Variants in COL21A1 observed in about 807,000 individuals in gnomAD.
COL21A1 encodes collagen alpha-1(XXI) chain.
Under a neutral mutation model 137.9 loss-of-function variants are expected in COL21A1, and 149 were observed. The observed-to-expected ratio is 1.08, with a 90% CI of 0.95 to 1.24. The LOEUF (loss-of-function observed/expected upper bound fraction) is 1.24, where lower values mean the gene tolerates loss of function less well. COL21A1 is among the 50% of genes most tolerant of loss of function. The pLI is 0.00. For missense variants in COL21A1, 1,167 were observed against 1,158.4 expected (o/e 1.01, Z -0.11); for synonymous variants, 456 against 391.5 (o/e 1.16, Z -1.95).
chr6:56,087,974 C>A (rs938637204), intron 17 of COL21A1, among the ~76,000 whole-genome samples: 11 of 152,106 alleles, frequency 7.2e-5, no homozygotes, highest in African/African-American at 2.4e-4. Context: ...ATCAAACCAT[C>A]CTTTGCTGAC....
intron 1 of COL21A1, among the ~76,000 whole-genome samples, chr6:56,189,277 AC>A (rs1037587508): frequency 8.6e-5 from 13 of 152,012 alleles, no homozygotes; most frequent in Non-Finnish European, 1.3e-4. Context: ...AATATAAATG[AC>A]CTGATGGAGC....
chr6:56,064,614 C>T lies in COL21A1; in HGVS notation c.2136G>A (p.Lys712=). The change falls in exon 24 of 30, where the codon AAG becomes AAA. Residue 712 remains lysine (K), a synonymous_variant. Transcript: ENST00000244728. ...NQGEKGIQGQ[K]GENGRQGIPG... is the part of the protein sequence containing the mutation. ...GAATTCCCTGTCTTCCATTTTCTCCCTTTTGACCCTTTAAAATAAAAAAAA... is the reference window on the plus strand; with the variant it reads ...GAATTCCCTGTCTTCCATTTTCTCCTTTTTGACCCTTTAAAATAAAAAAAA... 2 of 1,587,428 alleles carry T rather than the reference C, an allele frequency of 1.3e-6. No homozygotes were observed. The highest frequency in any genetic ancestry group is 1.7e-6 in the Non-Finnish European group (2 of 1,165,620).
chr6:56,285,070 A>G (rs1013104614), intron 1 of COL21A1, among the ~76,000 whole-genome samples: 5 of 152,180 alleles, frequency 3.3e-5, no homozygotes, highest in Admixed American at 1.3e-4. Flanking sequence ...TATGTCCCCA[A>G]TACTTCTTCC....
chr6:56,217,878 A>T (rs1780587264), intron 1 of COL21A1, among the ~76,000 whole-genome samples: 1 of 152,122 alleles, frequency 6.6e-6, no homozygotes, highest in Non-Finnish European at 1.5e-5. Context: ...GCAAAGCACC[A>T]GGTATGTGAT....
At chr6:56,072,907 A>C (rs942738927) in intron 20 of COL21A1, among the ~76,000 whole-genome samples, 2 of 150,966 alleles carry the variant, frequency 1.3e-5, no homozygotes, top group Non-Finnish European at 3.0e-5. Flanking sequence ...CACAAGATGC[A>C]GAAAACCAAC....
At chr6:56,200,090 T>TG (rs1779282358) in intron 1 of COL21A1, among the ~76,000 whole-genome samples, 1 of 152,124 alleles carries the variant, frequency 6.6e-6, no homozygotes, top group African/African-American at 2.4e-5. Flanking sequence ...TGATCAGATC[T>TG]GGGGACAAGA....
At chr6:56,276,706 G>C (rs1763665685) in intron 1 of COL21A1, 1 of 1,428,664 alleles carries the variant, frequency 7.0e-7, no homozygotes, top group Non-Finnish European at 9.8e-7. Context: ...AGATGGCCTG[G>C]GTGATTCACG....
At chr6:56,064,448 T>G (rs926498382) in intron 24 of COL21A1, 130 bp downstream of exon 24, 7 of 608,440 alleles carry the variant, frequency 1.2e-5, no homozygotes, top group Middle Eastern at 2.7e-4. Flanking sequence ...TGTTCAACCT[T>G]ATATGCTTAG....
intron 1 of COL21A1, among the ~76,000 whole-genome samples, chr6:56,302,985 G>C (rs951232448): frequency 7.9e-5 from 12 of 152,058 alleles, no homozygotes; most frequent in African/African-American, 2.9e-4. Context: ...ATTAAATAGG[G>C]AATCCTTTCC....
chr6:56,252,232 A>G (rs1782870273), upstream of COL21A1, among the ~76,000 whole-genome samples: 1 of 152,242 alleles, frequency 6.6e-6, no homozygotes, highest in Non-Finnish European at 1.5e-5. Flanking sequence ...CAATTACTAC[A>G]AGCTACAGCT....
intron 12 of COL21A1, among the ~76,000 whole-genome samples, chr6:56,130,175 ATATATATATATATATATATATATAT>A (rs1348429397): frequency 7.3e-5 from 5 of 68,298 alleles, no homozygotes; most frequent in Non-Finnish European, 1.2e-4. Flanking sequence ...TTATATATAT[ATATATATATATATATATATATATAT>A]ATATATATAT....
chr6:56,308,830 T>C (rs895423413), intron 1 of COL21A1, among the ~76,000 whole-genome samples: 1 of 152,188 alleles, frequency 6.6e-6, no homozygotes, highest in African/African-American at 2.4e-5. Context: ...GGATACTCAG[T>C]TGGACAGGGT....
chr6:56,227,169 T>C (rs184961404), intron 1 of COL21A1, among the ~76,000 whole-genome samples: 1 of 152,126 alleles, frequency 6.6e-6, no homozygotes, highest in Admixed American at 6.6e-5. Context: ...CAGCTGCACA[T>C]TCAATGTACA....
intron 1 of COL21A1, among the ~76,000 whole-genome samples, chr6:56,359,073 C>T (rs551693915): frequency 2.4e-4 from 37 of 152,206 alleles, no homozygotes; most frequent in Admixed American, 1.9e-3. Context: ...TTTAAACTGA[C>T]TATAATTCAC....
At chr6:56,212,702 T>C (rs1449338204) in intron 1 of COL21A1, among the ~76,000 whole-genome samples, 1 of 152,004 alleles carries the variant, frequency 6.6e-6, no homozygotes, top group Non-Finnish European at 1.5e-5. Flanking sequence ...AGGTAACGAA[T>C]TGATACAGAG....
At chr6:56,097,889 A>G (rs866622412) in intron 17 of COL21A1, among the ~76,000 whole-genome samples, 1,420 of 96,274 alleles carry the variant, frequency 0.015, 116 homozygotes, top group Middle Eastern at 0.052. Context: ...ATATAAATAT[A>G]TATAAATATA....
intron 1 of COL21A1, among the ~76,000 whole-genome samples, chr6:56,255,423 G>A (rs183021306): frequency 6.6e-6 from 1 of 151,888 alleles, no homozygotes; most frequent in African/African-American, 2.4e-5. Context: ...AGAGCGCTGT[G>A]AAGGGAGTCT....
At chr6:56,328,073 T>G (rs187782764) in intron 1 of COL21A1, among the ~76,000 whole-genome samples, 2 of 152,224 alleles carry the variant, frequency 1.3e-5, no homozygotes, top group East Asian at 3.9e-4. Context: ...TTTTAAATGT[T>G]TGTTTTAAGG....
chr6:56,060,269 GTTAA>G, intron 27 of COL21A1, 51 bp from the exon 28 acceptor site: 1 of 1,396,228 alleles, frequency 7.2e-7, no homozygotes, highest in Non-Finnish European at 9.7e-7. Context: ...GTGAGTTGGT[GTTAA>G]TTATATTTTT....
Sources: allele counts gnomAD v4.1 joint callset (sites outside exome capture counted in the v4.1 genomes callset), GRCh38; gene constraint gnomAD v4.1.1; transcripts MANE v1.5; gene names NCBI Gene and HGNC (gene_info 2026-07-23, HGNC 2026-07-21).